CIMIP6: variants seen among roughly 807,000 people sequenced by gnomAD.
The protein encoded by CIMIP6 is ciliary microtubule inner protein 6, also known as uncharacterized protein C2orf73.
At chr2:54,350,671 C>G in the CIMIP6 span, among the ~76,000 whole-genome samples, 1 of 152,200 alleles carries the variant, frequency 6.6e-6, no homozygotes, top group African/African-American at 2.4e-5. Context: ...GATTTGAATA[C>G]TGGGAGGCCT....
At chr2:54,345,261 T>G in the CIMIP6 span, among the ~76,000 whole-genome samples, 95 of 152,208 alleles carry the variant, frequency 6.2e-4, 1 homozygote, top group Non-Finnish European at 1.2e-3. Flanking sequence ...ATATACTAAA[T>G]TGGACAAAGA....
the CIMIP6 span, among the ~76,000 whole-genome samples, chr2:54,379,040 G>A: frequency 6.6e-6 from 1 of 151,844 alleles, no homozygotes; most frequent in South Asian, 2.1e-4. Flanking sequence ...ACCTGTGAAT[G>A]AATAATAAAC....
the CIMIP6 span, among the ~76,000 whole-genome samples, chr2:54,344,811 T>G: frequency 5.3e-5 from 8 of 151,722 alleles, no homozygotes; most frequent in African/African-American, 1.9e-4. Flanking sequence ...TCACACAGCA[T>G]AAAACAACAA....
At chr2:54,350,642 G>A in the CIMIP6 span, among the ~76,000 whole-genome samples, 88 of 152,312 alleles carry the variant, frequency 5.8e-4, no homozygotes, top group African/African-American at 2.0e-3. Context: ...CCACATTTAC[G>A]GGGAGGGGAC....
At chr2:54,359,021 T>G in the CIMIP6 span, 1 of 1,557,878 alleles carries the variant, frequency 6.4e-7, no homozygotes, top group Non-Finnish European at 8.7e-7. Context: ...ATACATCTCT[T>G]TTATACATCA....
At chr2:54,356,493 C>T in the CIMIP6 span, among the ~76,000 whole-genome samples, 1 of 152,280 alleles carries the variant, frequency 6.6e-6, no homozygotes, top group Middle Eastern at 3.4e-3. Context: ...TTGCCACCAA[C>T]CCTTCGTACC....
chr2:54,338,141 G>A, the CIMIP6 span, among the ~76,000 whole-genome samples: 1 of 151,786 alleles, frequency 6.6e-6, no homozygotes, highest in African/African-American at 2.4e-5. Flanking sequence ...TGCTCAAAAG[G>A]AAATAAAATT....
the CIMIP6 span, among the ~76,000 whole-genome samples, chr2:54,357,743 ATT>A: frequency 1.4e-5 from 2 of 144,312 alleles, no homozygotes. Flanking sequence ...CGCCCAGCTA[ATT>A]TTTTTTTTTT....
the CIMIP6 span, among the ~76,000 whole-genome samples, chr2:54,367,265 G>T: frequency 6.6e-6 from 1 of 152,114 alleles, no homozygotes; most frequent in African/African-American, 2.4e-5. Context: ...TATTAACTAT[G>T]AGGATGTTCT....
the CIMIP6 span, among the ~76,000 whole-genome samples, chr2:54,374,280 C>T: frequency 3.7e-3 from 567 of 152,076 alleles, 2 homozygotes; most frequent in Non-Finnish European, 5.3e-3. Flanking sequence ...GTCTTTTTTT[C>T]TTTTCTTTTG....
At chr2:54,383,097 C>CA in the CIMIP6 span, 1 of 152,272 alleles carries the variant, frequency 6.6e-6, no homozygotes, top group East Asian at 1.9e-4. Context: ...TAATGACACT[C>CA]AATCAGCCCA....
the CIMIP6 span, among the ~76,000 whole-genome samples, chr2:54,351,519 C>T: frequency 6.6e-6 from 1 of 151,836 alleles, no homozygotes; most frequent in African/African-American, 2.4e-5. Flanking sequence ...CAAACTAACG[C>T]AGGAACAAAA....
the CIMIP6 span, among the ~76,000 whole-genome samples, chr2:54,367,347 A>T: frequency 6.6e-6 from 1 of 152,084 alleles, no homozygotes; most frequent in African/African-American, 2.4e-5. Flanking sequence ...GGCAAAATAT[A>T]TATATCTGAC....
At chr2:54,335,094 C>T in the CIMIP6 span, 1 of 1,256,696 alleles carries the variant, frequency 8.0e-7, no homozygotes, top group Non-Finnish European at 1.1e-6. Flanking sequence ...ATAATTTGGT[C>T]ACAGACTATA....
chr2:54,378,922 G>A, the CIMIP6 span, among the ~76,000 whole-genome samples: 1 of 152,280 alleles, frequency 6.6e-6, no homozygotes, highest in African/African-American at 2.4e-5. Context: ...GATTTAAAAT[G>A]TCTTATTTTC....
At chr2:54,371,911 C>A in the CIMIP6 span, among the ~76,000 whole-genome samples, 2 of 152,170 alleles carry the variant, frequency 1.3e-5, no homozygotes, top group African/African-American at 4.8e-5. Context: ...GCTACCTAAC[C>A]CCTCCGGGTC....
chr2:54,364,311 A>G, the CIMIP6 span, among the ~76,000 whole-genome samples: 1 of 152,212 alleles, frequency 6.6e-6, no homozygotes, highest in Admixed American at 6.5e-5. Context: ...ATACAAGATC[A>G]TTTTTCAAAT....
the CIMIP6 span, chr2:54,359,129 C>G: frequency 9.8e-7 from 1 of 1,023,278 alleles, no homozygotes; most frequent in African/African-American, 1.7e-5. Flanking sequence ...ATTTGTAGAA[C>G]TTTAAGCTTT....
At chr2:54,379,785 G>C in the CIMIP6 span, among the ~76,000 whole-genome samples, 1 of 151,368 alleles carries the variant, frequency 6.6e-6, no homozygotes, top group Admixed American at 6.6e-5. Flanking sequence ...AGACCAGCCT[G>C]ACCAACATAG....
Sources: gnomAD v4.1 joint callset for allele counts (sites outside exome capture counted in the v4.1 genomes callset) on GRCh38, gnomAD v4.1.1 for gene constraint, MANE v1.5 for transcripts, NCBI Gene and HGNC (gene_info 2026-07-23, HGNC 2026-07-21) for gene names.